RABGAP1L: variants seen among roughly 807,000 people sequenced by gnomAD.
The protein encoded by RABGAP1L is rab GTPase-activating protein 1-like.
RABGAP1L carries 63 observed loss-of-function variants against 137.7 expected under a neutral mutation model. The observed-to-expected ratio is 0.46, with a 90% CI of 0.37 to 0.56. RABGAP1L has a LOEUF of 0.56. Ranked by LOEUF, RABGAP1L falls within the 20% of genes least tolerant of loss-of-function variation. RABGAP1L has a pLI of 0.00. For synonymous variants in RABGAP1L, 431 were observed against 433.7 expected, an observed-to-expected ratio of 0.99 and a Z score of 0.08; for missense variants, 1,095 against 1,244.0, an observed-to-expected ratio of 0.88 and a Z score of 1.80.
intron 3 of RABGAP1L, among the ~76,000 whole-genome samples, chr1:174,226,923 C>G (rs12081445): frequency 0.29 from 44,760 of 151,894 alleles, 7,016 homozygotes; most frequent in African/African-American, 0.37. Flanking sequence ...ATTCCACTTC[C>G]TACTTGTTTA....
chr1:174,366,808 G>T (rs1436843284), intron 11 of RABGAP1L, among the ~76,000 whole-genome samples: 6 of 99,504 alleles, frequency 6.0e-5, no homozygotes, highest in South Asian at 3.4e-4. Flanking sequence ...AAAAAAAAAA[G>T]AAGTTTAGCA....
chr1:174,900,113 C>T (rs762459689), intron 19 of RABGAP1L, among the ~76,000 whole-genome samples: 1 of 152,158 alleles, frequency 6.6e-6, no homozygotes, highest in Non-Finnish European at 1.5e-5. Context: ...CCTCTGAATG[C>T]CCATAGGTAT....
intron 13 of RABGAP1L, among the ~76,000 whole-genome samples, chr1:174,621,301 G>A (rs1672439870): frequency 6.6e-6 from 1 of 152,184 alleles, no homozygotes; most frequent in South Asian, 2.1e-4. Flanking sequence ...TAGATTCAAT[G>A]CCATCCCCAT....
At chr1:174,469,433 C>T (rs994877306) in intron 13 of RABGAP1L, among the ~76,000 whole-genome samples, 10 of 152,182 alleles carry the variant, frequency 6.6e-5, no homozygotes, top group African/African-American at 1.9e-4. Context: ...ATCAGATTCA[C>T]TGGTAATGCT....
chr1:174,665,220 A>T (rs985929280), intron 14 of RABGAP1L, among the ~76,000 whole-genome samples: 1 of 152,144 alleles, frequency 6.6e-6, no homozygotes, highest in Admixed American at 6.5e-5. Context: ...CTGGAGCTGG[A>T]CTGCCAGAGT....
intron 24 of RABGAP1L, among the ~76,000 whole-genome samples, 160 bp from the exon 25 acceptor site, chr1:174,988,481 G>A (rs1379977810): frequency 1.3e-5 from 2 of 152,128 alleles, no homozygotes; most frequent in Non-Finnish European, 2.9e-5. Context: ...TTGGGTTCGG[G>A]CTAATGATTT....
intron 4 of RABGAP1L, among the ~76,000 whole-genome samples, chr1:174,239,510 T>TCATA (rs1027739884): frequency 6.6e-6 from 1 of 152,218 alleles, no homozygotes; most frequent in Non-Finnish European, 1.5e-5. Context: ...AAACATTTTA[T>TCATA]CATAAGAAGC....
intron 13 of RABGAP1L, among the ~76,000 whole-genome samples, chr1:174,563,530 T>G (rs1350391939): frequency 6.6e-6 from 1 of 152,160 alleles, no homozygotes; most frequent in Non-Finnish European, 1.5e-5. Context: ...TTGCAAGGAC[T>G]AAATAAATTA....
At chr1:174,536,677 C>A (rs1163437482) in intron 13 of RABGAP1L, among the ~76,000 whole-genome samples, 1 of 151,974 alleles carries the variant, frequency 6.6e-6, no homozygotes, top group African/African-American at 2.4e-5. Context: ...TGGAAAATAT[C>A]TTTTGGAAAT....
intron 19 of RABGAP1L, among the ~76,000 whole-genome samples, chr1:174,885,038 C>T (rs1384523656): frequency 6.6e-6 from 1 of 152,220 alleles, no homozygotes; most frequent in Non-Finnish European, 1.5e-5. Context: ...AGCTCTATGA[C>T]TTTGGGCAGA....
intron 19 of RABGAP1L, among the ~76,000 whole-genome samples, chr1:174,873,572 G>C (rs1573606976): frequency 6.6e-6 from 1 of 150,430 alleles, no homozygotes; most frequent in East Asian, 2.0e-4. Context: ...GGAGTGCAGT[G>C]GCACAATCTT....
rs185523805 is a variant in RABGAP1L, at chr1:174,614,916, C to T, written c.1711-22459C>T. ...TCTTCACGTAGTTCTCGAGCCTTGG[C>T]TTTCAGCTCCATCAGCTCCTTTAAG... On this transcript the variant is annotated intron_variant, in intron 13 of 25. Coordinates refer to ENST00000681986, the MANE Select transcript of RABGAP1L (RefSeq NM_001366446.1). 9.6e-4 allele frequency among the ~76,000 whole-genome samples: 146 copies of T among 152,238 alleles called. 1 individual carries two copies. The highest frequency in any genetic ancestry group is 3.2e-3 in the African/African-American group (131 of 41,562).
chr1:174,203,188 G>A (rs968774801), intron 1 of RABGAP1L, among the ~76,000 whole-genome samples: 17 of 152,084 alleles, frequency 1.1e-4, no homozygotes, highest in African/African-American at 3.4e-4. Flanking sequence ...TGTTTATGAT[G>A]TAAGGAAATG....
At chr1:174,351,792 TTTTG>T (rs148921044) in intron 11 of RABGAP1L, among the ~76,000 whole-genome samples, 51,739 of 149,556 alleles carry the variant, frequency 0.35, 11,386 homozygotes, top group African/African-American at 0.64. Flanking sequence ...TGTGTGTTTT[TTTTG>T]TTTTGTTTTG....
Position 174,241,655 on chromosome 1 carries a change from G to C in RABGAP1L, c.715G>C (p.Ala239Pro). The C allele has an allele frequency of 6.2e-7, 1 of 1,609,674 alleles. No individual in the cohort carries two copies. The highest frequency in any genetic ancestry group is 8.5e-7 in the Non-Finnish European group (1 of 1,177,180). The change falls in exon 5 of 26, where the codon GCA becomes CCA. Residue 239 changes from alanine to proline, a missense_variant and splice_region_variant. Physicochemically the swap from Ala to Pro is conservative, Grantham distance 27 (BLOSUM62 -1). This residue lies in a region of RABGAP1L where 356 missense variants were observed against 326.3 expected (regional missense o/e 1.09). Coordinates refer to ENST00000681986, the MANE Select transcript of RABGAP1L (RefSeq NM_001366446.1). Reference protein sequence around the residue: ...IHVFSCEIKEAVSRILYSFCT... With the variant: ...IHVFSCEIKEPVSRILYSFCT... ...TGTTTTCTCCTGTGAAATTAAAGAG[G>C]CAGTAAGTATAATATAGTATAGCAA...
chr1:174,283,055 G>A (rs1183625734), intron 10 of RABGAP1L, among the ~76,000 whole-genome samples: 3 of 151,954 alleles, frequency 2.0e-5, no homozygotes, highest in Non-Finnish European at 1.5e-5. Context: ...TATTTGTTGC[G>A]AGTTCTTTGC....
In RABGAP1L at chr1:174,331,337, C is replaced by CTA. The variant is rs1242246597; in HGVS notation, c.1465+26211_1465+26212dup. Among the ~76,000 whole-genome samples the CTA allele has an allele frequency of 3.3e-5, 5 of 152,230 alleles. No homozygotes were observed. The East Asian group carries it at 7.7e-4, about 24-fold the overall frequency. ...GCAACAAAAGCAAACATAAATGGAT[C>CTA]TACATCACACTAAAAAGCTCCTGCA... On this transcript the variant is annotated intron_variant, in intron 11 of 25. Coordinates refer to ENST00000681986, the MANE Select transcript of RABGAP1L (RefSeq NM_001366446.1).
At chr1:174,172,188 G>T (rs1389845266) in intron 1 of RABGAP1L, among the ~76,000 whole-genome samples, 1 of 129,268 alleles carries the variant, frequency 7.7e-6, no homozygotes, top group Non-Finnish European at 1.5e-5. Context: ...GTGTGTGTGT[G>T]TGTGTGTGTG....
intron 19 of RABGAP1L, among the ~76,000 whole-genome samples, chr1:174,891,742 C>T (rs1236586499): frequency 6.6e-6 from 1 of 152,040 alleles, no homozygotes; most frequent in African/African-American, 2.4e-5. Flanking sequence ...TGGCTTCAAG[C>T]AATCCTCCAG....
Sources: allele counts gnomAD v4.1 joint callset (sites outside exome capture counted in the v4.1 genomes callset), GRCh38; gene constraint gnomAD v4.1.1; regional missense constraint gnomAD v4.1.1; transcripts MANE v1.5; gene names NCBI Gene and HGNC (gene_info 2026-07-23, HGNC 2026-07-21).